FXR2: variants seen among roughly 807,000 people sequenced by gnomAD.
The protein encoded by FXR2 is FMR1 autosomal homolog 2.
Under a neutral mutation model 87.3 loss-of-function variants are expected in FXR2, and 9 were observed. That is an observed-to-expected ratio of 0.10 (90% confidence interval 0.06 to 0.18). The LOEUF (loss-of-function observed/expected upper bound fraction) is 0.18. FXR2 is among the 10% of genes least tolerant of loss of function. The probability of loss-of-function intolerance (pLI) is 1.00; values close to 1 mark genes in which losing one functional copy is unlikely to be tolerated. For synonymous variants in FXR2, 331 were observed against 328.3 expected, an observed-to-expected ratio of 1.01 and a Z score of -0.09; for missense variants, 661 against 893.6, an observed-to-expected ratio of 0.74 and a Z score of 3.32.
Position 7,592,778 on chromosome 17 carries a change from G to A in FXR2, c.1645C>T (p.Arg549Cys), listed in dbSNP as rs199741916. 99 of 1,613,550 alleles carry A rather than the reference G, an allele frequency of 6.1e-5. No individual in the cohort carries two copies. In the African/African-American group the frequency reaches 8.4e-4, roughly 14 times the overall value. ...PPASARRRRS[R>C]RRRTDEDRTV... ...CTGTCTTCATCAGTGCGGCGGCGGC[G>A]GGAGCGGCGGCGCCTGGCACTTGCT... Residue 549 changes from arginine to cysteine, a missense_variant, in exon 14 of 17, where the codon CGC becomes TGC. Transcript: ENST00000250113. The surrounding 1 kb of genome is among the most constrained non-coding windows in gnomAD (Gnocchi z 4.8).
intron 2 of FXR2, 34 bp from the exon 3 acceptor site, chr17:7,605,772 C>A: frequency 8.5e-7 from 1 of 1,177,412 alleles, no homozygotes; most frequent in South Asian, 1.3e-5. Flanking sequence ...AAAAGCTACT[C>A]TGACTGATAT....
chr17:7,594,907 A>G lies in FXR2; in HGVS notation c.832-150T>C. 1.6e-6 allele frequency: 1 copy of G among 610,368 alleles called. No homozygotes were observed. The highest frequency in any genetic ancestry group is 1.9e-5 in the South Asian group (1 of 51,316). 37.8% of individuals were successfully genotyped at this position (610,368 alleles called of 1,614,324 possible). On this transcript the variant is annotated intron_variant, in intron 8 of 16. Coordinates refer to ENST00000250113, the MANE Select transcript of FXR2 (RefSeq NM_004860.4). The surrounding 1 kb of genome is among the most constrained non-coding windows in gnomAD (Gnocchi z 5.1). ...AAGACTAGCCTGGGCAATATGGTGA[A>G]ACGCCATCTCTACTAAAAATACAAA...
At chr17:7,613,635 T>G (rs2071897533) in intron 1 of FXR2, among the ~76,000 whole-genome samples, 1 of 152,206 alleles carries the variant, frequency 6.6e-6, no homozygotes, top group African/African-American at 2.4e-5. Context: ...GAAGGGAACC[T>G]CATAAGCTTC....
chr17:7,610,009 T>TATATATACATGCATATGTATAC (rs2071846953), intron 1 of FXR2, among the ~76,000 whole-genome samples: 2 of 141,438 alleles, frequency 1.4e-5, no homozygotes, highest in Admixed American at 7.4e-5. Flanking sequence ...TGTATACATA[T>TATATATACATGCATATGTATAC]ATATATACAT....
Position 7,594,004 on chromosome 17 carries a change from C to T in FXR2, c.1021G>A (p.Gly341Arg). The part of the protein sequence containing the change: ...DNDKKNPREE[G>R]MVPFIFVGTR... The stretch of plus-strand genomic sequence containing the variant: ...CCAACAAAAATGAAGGGAACCATTC[C>T]CTAGAGAACAGAGAGCAGAAACGAT... The change falls in exon 11 of 17, where the codon GGA becomes AGA. Residue 341 changes from glycine (G) to arginine (R), a missense_variant and splice_region_variant. Transcript: ENST00000250113. This position sits in a 1 kb window ranked among gnomAD's most constrained non-coding sequence, Gnocchi z 5.1. 6.3e-7 allele frequency: 1 copy of T among 1,584,810 alleles called. No individual in the cohort carries two copies. The highest frequency in any genetic ancestry group is 8.7e-7 in the Non-Finnish European group (1 of 1,153,326).
chr17:7,613,001 A>AC, intron 1 of FXR2, among the ~76,000 whole-genome samples: 1 of 150,100 alleles, frequency 6.7e-6, no homozygotes, highest in South Asian at 2.1e-4. Flanking sequence ...CATCTCAAAA[A>AC]AAAAAAAAAA....
At chr17:7,602,150 G>A (rs574746133) in intron 6 of FXR2, among the ~76,000 whole-genome samples, 5 of 152,156 alleles carry the variant, frequency 3.3e-5, no homozygotes, top group East Asian at 1.9e-4. Flanking sequence ...GAGGCCGGGC[G>A]TGGTGGCTCA....
intron 7 of FXR2, among the ~76,000 whole-genome samples, chr17:7,597,316 G>C (rs2071715159): frequency 1.3e-5 from 2 of 152,098 alleles, no homozygotes; most frequent in Non-Finnish European, 2.9e-5. Context: ...CCACTTCCAA[G>C]TTGGATAGGA....
At position 7,601,541 on chromosome 17, in the gene FXR2, T is replaced by C; in HGVS notation, c.544-16A>G. 6.9e-7 allele frequency: 1 copy of C among 1,448,670 alleles called. No homozygotes were observed. Among genetic ancestry groups the C allele is most frequent in the Non-Finnish European group, 9.7e-7 (1 of 1,030,150 alleles). 89.7% of individuals were successfully genotyped at this position (1,448,670 alleles called of 1,614,324 possible). ...CTGTGGTTGACTGGGAGGAAACCAG[T>C]GGGAAAGTCATTAAAACTGGCTTGG... On this transcript the variant is annotated splice_polypyrimidine_tract_variant and intron_variant, in intron 6 of 16. Coordinates refer to ENST00000250113, the MANE Select transcript of FXR2 (RefSeq NM_004860.4).
At position 7,602,989 on chromosome 17, in the gene FXR2, T is replaced by C; in HGVS notation, c.463A>G (p.Asn155Asp). The C allele has an allele frequency of 2.5e-6, 4 of 1,574,134 alleles. No individual in the cohort carries two copies. Among genetic ancestry groups the C allele is most frequent in the Non-Finnish European group, 3.5e-6 (4 of 1,146,234 alleles). Reference protein sequence around the residue: ...EDLREACSNENVHKEFKKALG... With the variant: ...EDLREACSNEDVHKEFKKALG... The stretch of plus-strand genomic sequence containing the variant: ...GCTTTCTTGAACTCTTTATGGACGT[T>C]TTCATTGGAGCAGCTGCAGAGGAAA... Residue 155 changes from asparagine to aspartate, a missense_variant, in exon 6 of 17, where the codon AAC (asparagine) becomes GAC (aspartate). This residue lies in a region of FXR2 where 170 missense variants were observed against 247.2 expected (regional missense o/e 0.69). Coordinates refer to ENST00000250113, the MANE Select transcript of FXR2 (RefSeq NM_004860.4).
chr17:7,593,754 A>G lies in FXR2; in HGVS notation c.1108-129T>C. On this transcript the variant is annotated intron_variant, in intron 11 of 16. Transcript: ENST00000250113. This position sits in a 1 kb window ranked among gnomAD's most constrained non-coding sequence, Gnocchi z 6.1. ...TGCAGGGAGAAGGAAGACACTGGCT[A>G]AACAAGGAAAATTCTGGGACCCAAC... 1.2e-6 allele frequency: 1 copy of G among 823,608 alleles called. No individual in the cohort carries two copies. Among genetic ancestry groups the G allele is most frequent in the Admixed American group, 2.2e-5 (1 of 44,448 alleles). The allele number at this position is 823,608 out of a possible 1,614,324, so 51.0% of individuals were successfully genotyped here.
At chr17:7,609,330 T>G (rs1274303464) in intron 1 of FXR2, among the ~76,000 whole-genome samples, 1 of 152,154 alleles carries the variant, frequency 6.6e-6, no homozygotes, top group East Asian at 1.9e-4. Context: ...AATCTAAGCC[T>G]GCATTTCACT....
intron 3 of FXR2, among the ~76,000 whole-genome samples, chr17:7,604,897 A>T (rs2071790781): frequency 6.6e-6 from 1 of 150,966 alleles, no homozygotes; most frequent in African/African-American, 2.4e-5. Context: ...AATTTTTTGT[A>T]TTTTTAGTAG....
rs1256132712 is a variant in FXR2 at position 7,594,597 on chromosome 17, G to C, written c.910+82C>G. On this transcript the variant is annotated intron_variant, in intron 9 of 16. Coordinates refer to ENST00000250113, the MANE Select transcript of FXR2 (RefSeq NM_004860.4). The surrounding 1 kb of genome is among the most constrained non-coding windows in gnomAD (Gnocchi z 5.1). ...TGAAACTGGGAGTCCACAGGGAGGT[G>C]CCAATCCTGGATAAAAGCTCAGAAT... 4.3e-6 allele frequency: 4 copies of C among 920,466 alleles called. No homozygotes were observed. In the East Asian group the frequency reaches 9.6e-5, roughly 22 times the overall value. 57.0% of individuals were successfully genotyped at this position (920,466 alleles called of 1,614,324 possible). A position where few individuals can be genotyped will look rare whatever the true frequency, so the allele number is the denominator to read the frequency against.
intron 1 of FXR2, among the ~76,000 whole-genome samples, chr17:7,607,840 CG>C (rs2071815954): frequency 6.6e-6 from 1 of 151,924 alleles, no homozygotes; most frequent in Non-Finnish European, 1.5e-5. Context: ...TTGTTGCCCA[CG>C]CTGGAGTGCA....
In FXR2 at chr17:7,614,436, C is replaced by A. The variant is rs562441636; in HGVS notation, c.81+16G>T. 3 of 1,514,642 alleles carry A rather than the reference C, an allele frequency of 2.0e-6. No homozygotes were observed. Among genetic ancestry groups the A allele is most frequent in the South Asian group, 1.2e-5 (1 of 82,056 alleles). 93.8% of individuals were successfully genotyped at this position (1,514,642 alleles called of 1,614,324 possible). On this transcript the variant is annotated intron_variant, in intron 1 of 16. Coordinates refer to ENST00000250113, the MANE Select transcript of FXR2 (RefSeq NM_004860.4). ...GGGGCTAAGGACCGGCGTCCCCAGT[C>A]GGCGCGCCGTCTCACCTTGTAGAAG...
chr17:7,592,124 A>G lies in FXR2; in HGVS notation c.1926+130T>C, dbSNP rs1230481795. On this transcript the variant is annotated intron_variant, in intron 16 of 16. Transcript: ENST00000250113. The surrounding 1 kb of genome is among the most constrained non-coding windows in gnomAD (Gnocchi z 4.8). Reference sequence around the variant, plus strand: ...TTCTTCTCTATCCTATTCAAAGTTTACACTGGTCTAAACTCCATCAGACAC... The same window carrying G: ...TTCTTCTCTATCCTATTCAAAGTTTGCACTGGTCTAAACTCCATCAGACAC... The G allele has an allele frequency of 6.6e-7, 1 of 1,504,160 alleles. No homozygotes were observed. 93.2% of individuals were successfully genotyped at this position (1,504,160 alleles called of 1,614,324 possible). A position where few individuals can be genotyped will look rare whatever the true frequency, so the allele number is the denominator to read the frequency against.
At position 7,591,509 on chromosome 17, in the gene FXR2, G is replaced by A. The variant is rs919350834; in HGVS notation, c.*321C>T. 26 of 333,212 alleles carry A rather than the reference G, an allele frequency of 7.8e-5. No individual in the cohort carries two copies. Among genetic ancestry groups the A allele is most frequent in the Non-Finnish European group, 1.3e-4 (23 of 173,836 alleles). 20.6% of individuals were successfully genotyped at this position (333,212 alleles called of 1,614,324 possible). ...CTGAACGGTCAAATCTGGGTGGGTC[G>A]AGGAGCACCCCCCACCAACAGGTGG... On this transcript the variant is annotated 3_prime_UTR_variant, in exon 17 of 17. Coordinates refer to ENST00000250113, the MANE Select transcript of FXR2 (RefSeq NM_004860.4). This position sits in a 1 kb window ranked among gnomAD's most constrained non-coding sequence, Gnocchi z 4.0.
Position 7,594,810 on chromosome 17 carries a change from T to C in FXR2, c.832-53A>G, listed in dbSNP as rs2071694370. The C allele has an allele frequency of 9.0e-7, 1 of 1,110,728 alleles. No homozygotes were observed. The highest frequency in any genetic ancestry group is 1.7e-5 in the Admixed American group (1 of 59,404). 68.8% of individuals were successfully genotyped at this position (1,110,728 alleles called of 1,614,324 possible). A position where few individuals can be genotyped will look rare whatever the true frequency, so the allele number is the denominator to read the frequency against. ...ACTAAAACAGAAGACCAGCTGGATG[T>C]GGTGGCTCACGCCTGTAATCCCAGC... is the stretch of plus-strand genomic sequence containing the variant. On this transcript the variant is annotated intron_variant, in intron 8 of 16. Coordinates refer to ENST00000250113, the MANE Select transcript of FXR2 (RefSeq NM_004860.4). This position sits in a 1 kb window ranked among gnomAD's most constrained non-coding sequence, Gnocchi z 5.1.
Sources: allele counts gnomAD v4.1 joint callset (sites outside exome capture counted in the v4.1 genomes callset), GRCh38; gene constraint gnomAD v4.1.1; regional missense constraint gnomAD v4.1.1; non-coding constraint Gnocchi (gnomAD v3.1); transcripts MANE v1.5; gene names NCBI Gene and HGNC (gene_info 2026-07-23, HGNC 2026-07-21).